The following FCRL3 variants were observed in gnomAD, a reference collection of about 807,000 sequenced individuals.
The protein encoded by FCRL3 is Fc receptor like 3.
In FCRL3, 89 loss-of-function variants were observed where a neutral mutation model predicts 75.0. The ratio of observed to expected loss-of-function variants is 1.19; its 90% CI spans 1.00 to 1.42. The LOEUF is 1.42. Among genes scored for constraint, FCRL3 ranks in the 40% most tolerant of loss-of-function variants. The pLI, the probability that FCRL3 is intolerant of heterozygous loss-of-function variation, is 0.00. For synonymous variants in FCRL3, 376 were observed against 348.5 expected (o/e 1.08, Z -0.88); for missense variants, 946 against 880.0 (o/e 1.07, Z -0.95).
At chr1:157,700,399 T>A (rs2101630590) in intron 2 of FCRL3, 60 bp downstream of exon 2, 1 of 1,612,110 alleles carries the variant, frequency 6.2e-7, no homozygotes, top group Non-Finnish European at 8.5e-7. Context: ...GCTCCTTGAG[T>A]TTTTCCCTGG....
upstream of FCRL3, chr1:157,700,924 G>T (rs567442978): frequency 6.0e-4 from 124 of 207,376 alleles, no homozygotes; most frequent in Non-Finnish European, 1.0e-3. Context: ...AATGAGCGTG[G>T]TGTGAATCAC....
At chr1:157,679,830 CAAAAAAAAAAAAAA>C (rs1166825112) in intron 13 of FCRL3, among the ~76,000 whole-genome samples, 2 of 49,904 alleles carry the variant, frequency 4.0e-5, no homozygotes, top group African/African-American at 9.1e-5. Context: ...CCCCATCTCA[CAAAAAAAAAAAAAA>C]AAAAAAAAAA....
rs769178099 is a variant in FCRL3 at position 157,697,706 on chromosome 1, ATGTAAAACTTC to A, written c.501_511del (p.Arg167SerfsTer3). 38 of 1,613,908 alleles carry A rather than the reference ATGTAAAACTTC, an allele frequency of 2.4e-5. No homozygotes were observed. Among genetic ancestry groups the A allele is most frequent in the Non-Finnish European group, 3.1e-5 (37 of 1,179,920 alleles). Reference sequence around the variant, plus strand: ...TTTTGAAGTTACTTCAATGTCAAGTATGTAAAACTTCCTATAAGCAGTACAATGATATTTGC... The same window carrying A: ...TTTTGAAGTTACTTCAATGTCAAGTACTATAAGCAGTACAATGATATTTGC... On this transcript the variant is annotated frameshift_variant, in exon 5 of 15. Coordinates refer to ENST00000368184, the MANE Select transcript of FCRL3 (RefSeq NM_052939.4). LOFTEE classifies it high-confidence loss of function.
At position 157,698,434 on chromosome 1, in the gene FCRL3, T is replaced by C; in HGVS notation, c.248A>G (p.Lys83Arg). 1.2e-6 allele frequency: 2 copies of C among 1,614,250 alleles called. No individual in the cohort carries two copies. Among genetic ancestry groups the C allele is most frequent in the Non-Finnish European group, 1.7e-6 (2 of 1,180,034 alleles). Residue 83 changes from lysine to arginine, a missense_variant, in exon 4 of 15, where the codon AAG (lysine) becomes AGG (arginine). Coordinates refer to ENST00000368184, the MANE Select transcript of FCRL3 (RefSeq NM_052939.4). ...QITEPGNYQC[K>R]TRGSSLSDAV... is the part of the protein sequence containing the mutation. Reference sequence around the variant, plus strand: ...ATCACTGAGGGAGGATCCTCGGGTCTTACATTGGTAATTTCCAGGCTCTGT... The same window carrying C: ...ATCACTGAGGGAGGATCCTCGGGTCCTACATTGGTAATTTCCAGGCTCTGT...
Position 157,678,550 on chromosome 1 carries a change from C to G in FCRL3, c.*160G>C, listed in dbSNP as rs1258511969. 1.4e-6 allele frequency: 2 copies of G among 1,473,196 alleles called. No individual in the cohort carries two copies. Among genetic ancestry groups the G allele is most frequent in the African/African-American group, 2.8e-5 (2 of 70,980 alleles). 91.3% of individuals were successfully genotyped at this position (1,473,196 alleles called of 1,614,324 possible). A position where few individuals can be genotyped will look rare whatever the true frequency, so the allele number is the denominator to read the frequency against. The stretch of plus-strand genomic sequence containing the variant: ...CTCTCTTCCTGGGGAACACACAGAT[C>G]AGGCACAGGGGAGATTTGCAGACCT... On this transcript the variant is annotated 3_prime_UTR_variant, in exon 15 of 15. Transcript: ENST00000368184.
Position 157,683,384 on chromosome 1 carries a change from T to C in FCRL3, c.1811-140A>G, listed in dbSNP as rs768311751. The C allele has an allele frequency of 2.0e-4, 201 of 996,344 alleles. 1 individual carries two copies. The Middle Eastern group carries it at 6.0e-3, about 30-fold the overall frequency. The allele number at this position is 996,344 out of a possible 1,614,324, so 61.7% of individuals were successfully genotyped here. ...ACTCAAGGATTATCCAGCTCCACCC[T>C]CCTTACTCCCCCTATGTTATGTTAT... On this transcript the variant is annotated intron_variant, in intron 10 of 14. Transcript: ENST00000368184.
At chr1:157,684,144 A>G (rs948259842) in intron 10 of FCRL3, among the ~76,000 whole-genome samples, 1 of 152,232 alleles carries the variant, frequency 6.6e-6, no homozygotes, top group Non-Finnish European at 1.5e-5. Context: ...GCCTGTTAGA[A>G]GTCTATCCTT....
In FCRL3 at chr1:157,697,246, C is replaced by A. The variant is rs1363453064; in HGVS notation, c.738G>T (p.Gln246His). Residue 246 changes from glutamine (Q) to histidine (H), a missense_variant, in exon 6 of 15, where the codon CAG (glutamine) becomes CAT (histidine). Transcript: ENST00000368184. ...GLGWSRSPRLQIPAMWTEDSG... is the reference protein window; with the variant it reads ...GLGWSRSPRLHIPAMWTEDSG... Reference sequence around the variant, plus strand: ...AGTCTTCAGTCCACATGGCAGGGATCTGGAGTCTGGGGGACCTGCTCCAGC... The same window carrying A: ...AGTCTTCAGTCCACATGGCAGGGATATGGAGTCTGGGGGACCTGCTCCAGC... 2 of 1,609,888 alleles carry A rather than the reference C, an allele frequency of 1.2e-6. No individual in the cohort carries two copies. The highest frequency in any genetic ancestry group is 1.1e-5 in the South Asian group (1 of 90,412).
intron 7 of FCRL3, 158 bp from the exon 8 acceptor site, chr1:157,695,765 C>T: frequency 1.0e-6 from 1 of 976,290 alleles, no homozygotes; most frequent in Non-Finnish European, 1.5e-6. Context: ...AGCATTTCCC[C>T]AAAACAGTGA....
chr1:157,700,452 T>C lies in FCRL3; in HGVS notation c.31+7A>G, dbSNP rs751820517. ...GGCCGTGGCCCCATTATAGCCCATC[T>C]ACTCACTCAGGATCAGCAGCAGCAG... On this transcript the variant is annotated splice_region_variant and intron_variant, in intron 2 of 14. Transcript: ENST00000368184. 1.9e-6 allele frequency: 3 copies of C among 1,614,008 alleles called. No individual in the cohort carries two copies. The South Asian group carries it at 3.3e-5, about 18-fold the overall frequency.
intron 3 of FCRL3, among the ~76,000 whole-genome samples, chr1:157,699,269 G>A (rs1017422996): frequency 6.6e-5 from 10 of 152,160 alleles, no homozygotes; most frequent in Admixed American, 5.9e-4. Flanking sequence ...GTGTGGCAGT[G>A]GCATGAGCTC....
chr1:157,691,133 G>A (rs1362227665), intron 8 of FCRL3, among the ~76,000 whole-genome samples: 1 of 152,042 alleles, frequency 6.6e-6, no homozygotes, highest in South Asian at 2.1e-4. Flanking sequence ...ACTTTGCCTG[G>A]CATATAAAAT....
chr1:157,678,906 G>A (rs1219741909), intron 14 of FCRL3, 36 bp downstream of exon 14: 3 of 1,613,900 alleles, frequency 1.9e-6, no homozygotes, highest in African/African-American at 2.7e-5. Context: ...GGAGAGGAAG[G>A]CCAGAGAGGA....
At chr1:157,686,765 T>G (rs546959437) in intron 10 of FCRL3, among the ~76,000 whole-genome samples, 1 of 152,238 alleles carries the variant, frequency 6.6e-6, no homozygotes, top group East Asian at 1.9e-4. Flanking sequence ...GACCCCTACT[T>G]TTCACCATAT....
At chr1:157,695,763 C>T (rs1176343294) in intron 7 of FCRL3, 156 bp from the exon 8 acceptor site, 8 of 987,254 alleles carry the variant, frequency 8.1e-6, no homozygotes, top group African/African-American at 1.6e-5. Flanking sequence ...GAAGCATTTC[C>T]CCAAAACAGT....
Position 157,677,707 on chromosome 1 carries a change from T to C in FCRL3, c.*1003A>G, listed in dbSNP as rs1047867429. 4 of 726,766 alleles carry C rather than the reference T, an allele frequency of 5.5e-6. No homozygotes were observed. Among genetic ancestry groups the C allele is most frequent in the Admixed American group, 6.3e-5 (1 of 15,922 alleles). The allele number at this position is 726,766 out of a possible 1,614,324, so 45.0% of individuals were successfully genotyped here. A position where few individuals can be genotyped will look rare whatever the true frequency, so the allele number is the denominator to read the frequency against. On this transcript the variant is annotated 3_prime_UTR_variant, in exon 15 of 15. Transcript: ENST00000368184. ...CAACAATATGGATGAATCTTAGAAATACAACATGAAGAGAAAGTACTAAAA... is the reference window on the plus strand; with the variant it reads ...CAACAATATGGATGAATCTTAGAAACACAACATGAAGAGAAAGTACTAAAA...
Position 157,676,854 on chromosome 1 carries a change from T to C in FCRL3, c.*1856A>G. The C allele has an allele frequency of 6.5e-7, 1 of 1,537,548 alleles. No homozygotes were observed. Among genetic ancestry groups the C allele is most frequent in the Non-Finnish European group, 8.8e-7 (1 of 1,141,460 alleles). On this transcript the variant is annotated 3_prime_UTR_variant, in exon 15 of 15. Coordinates refer to ENST00000368184, the MANE Select transcript of FCRL3 (RefSeq NM_052939.4). ...GGCACAAAGGGGCTTGGCAAGGTAA[T>C]TCCAAATCAGCAGCAGGGTTAGAAA...
At chr1:157,682,030 A>G (rs1441246639) in intron 11 of FCRL3, among the ~76,000 whole-genome samples, 2 of 151,860 alleles carry the variant, frequency 1.3e-5, no homozygotes, top group African/African-American at 2.4e-5. Flanking sequence ...TTTTGGCTGC[A>G]TAAATGTCTT....
chr1:157,697,030 T>C (rs762913296), intron 6 of FCRL3, 110 bp downstream of exon 6: 3 of 1,092,932 alleles, frequency 2.7e-6, no homozygotes, highest in East Asian at 2.9e-5. Flanking sequence ...ATTACCAGAA[T>C]AGCTGGACAC....
Sources: gnomAD v4.1 joint callset for allele counts (sites outside exome capture counted in the v4.1 genomes callset) on GRCh38, gnomAD v4.1.1 for gene constraint, MANE v1.5 for transcripts, NCBI Gene and HGNC (gene_info 2026-07-23, HGNC 2026-07-21) for gene names.